Variants in KPNA4 observed in about 807,000 individuals in gnomAD.
The protein encoded by KPNA4 is karyopherin subunit alpha 4.
In KPNA4, 13 loss-of-function variants were observed where a neutral mutation model predicts 71.3. That is an observed-to-expected ratio of 0.18 (90% confidence interval 0.12 to 0.29). The LOEUF is 0.29. Ranked by LOEUF, KPNA4 falls within the 10% of genes least tolerant of loss-of-function variation. The pLI, the probability that KPNA4 is intolerant of heterozygous loss-of-function variation, is 1.00. For missense variants in KPNA4, 334 were observed against 603.2 expected (o/e 0.55, Z 4.67); for synonymous variants, 189 against 195.2 (o/e 0.97, Z 0.26).
intron 14 of KPNA4, among the ~76,000 whole-genome samples, chr3:160,509,302 T>C (rs1307819942): frequency 6.6e-6 from 1 of 152,172 alleles, no homozygotes; most frequent in African/African-American, 2.4e-5. Flanking sequence ...GTTGCTGTCT[T>C]TTTACTTTTT....
At chr3:160,547,194 T>C (rs992324569) in intron 1 of KPNA4, among the ~76,000 whole-genome samples, 2 of 152,258 alleles carry the variant, frequency 1.3e-5, no homozygotes, top group African/African-American at 4.8e-5. Context: ...TTGTCATATT[T>C]GCCTTTTTTT....
At chr3:160,521,979 A>C (rs1721357934) in intron 10 of KPNA4, 69 bp from the exon 11 acceptor site, 24 of 1,371,234 alleles carry the variant, frequency 1.8e-5, no homozygotes, top group East Asian at 9.7e-5. Context: ...TTGACCAAAC[A>C]ACCATTCTAA....
chr3:160,523,208 C>G (rs531336595), intron 10 of KPNA4, among the ~76,000 whole-genome samples: 3 of 152,176 alleles, frequency 2.0e-5, no homozygotes, highest in Non-Finnish European at 4.4e-5. Flanking sequence ...TAGTGGCTCA[C>G]GCCTGTAACC....
intron 14 of KPNA4, among the ~76,000 whole-genome samples, chr3:160,509,395 G>A (rs1721048703): frequency 1.3e-5 from 2 of 151,806 alleles, no homozygotes; most frequent in Admixed American, 1.3e-4. Flanking sequence ...TCCTAATACT[G>A]TTAAAAAAAC....
At chr3:160,564,931 C>T (rs1252363163) in intron 1 of KPNA4, among the ~76,000 whole-genome samples, 1 of 146,572 alleles carries the variant, frequency 6.8e-6, no homozygotes, top group South Asian at 2.1e-4. Context: ...CCGGCCTCCC[C>T]GCCGCGCGGC....
In KPNA4 at chr3:160,500,045, C is replaced by CATAATAAG. The variant is rs144119086; in HGVS notation, c.*2058_*2059insCTTATTAT. On this transcript the variant is annotated 3_prime_UTR_variant, in exon 17 of 17. Coordinates refer to ENST00000334256, the MANE Select transcript of KPNA4 (RefSeq NM_002268.5). ...TATGTCCATACTGAAATGACAGAAC[C>CATAATAAG]AAAGAAATTTCTTATTATGCTGGTT... 6,812 of 151,444 alleles carry CATAATAAG rather than the reference C, an allele frequency of 0.045. 224 individuals are homozygous for CATAATAAG. The highest frequency in any genetic ancestry group is 0.078 in the Middle Eastern group (23 of 294). 9.4% of individuals were successfully genotyped at this position (151,444 alleles called of 1,614,324 possible).
At chr3:160,565,141 A>G in intron 1 of KPNA4, 73 bp downstream of exon 1, 1 of 1,311,044 alleles carries the variant, frequency 7.6e-7, no homozygotes, top group Non-Finnish European at 1.1e-6. Context: ...CCTAATCCCC[A>G]CACTCGGGGT....
intron 10 of KPNA4, among the ~76,000 whole-genome samples, chr3:160,523,794 T>C (rs1577052386): frequency 6.6e-6 from 1 of 151,778 alleles, no homozygotes; most frequent in African/African-American, 2.4e-5. Flanking sequence ...GAGGTTGCAG[T>C]GAGTGGAGAT....
intron 1 of KPNA4, among the ~76,000 whole-genome samples, chr3:160,559,579 A>C (rs1722203973): frequency 6.6e-6 from 1 of 152,180 alleles, no homozygotes; most frequent in East Asian, 1.9e-4. Context: ...GTGTAAGAAA[A>C]GTTCACTCAT....
chr3:160,548,303 T>C (rs1721966063), intron 1 of KPNA4, among the ~76,000 whole-genome samples: 3 of 152,142 alleles, frequency 2.0e-5, no homozygotes, highest in Admixed American at 2.0e-4. Flanking sequence ...TCAGAAAAAC[T>C]GTAGTAAAAA....
intron 10 of KPNA4, 151 bp from the exon 11 acceptor site, chr3:160,522,061 TA>T (rs1477108773): frequency 1.4e-5 from 9 of 652,052 alleles, no homozygotes; most frequent in Non-Finnish European, 2.3e-5. Flanking sequence ...GCTACGGTAT[TA>T]AACATCATCA....
intron 15 of KPNA4, 107 bp from the exon 16 acceptor site, chr3:160,505,159 G>T (rs965354319): frequency 2.9e-5 from 14 of 480,504 alleles, no homozygotes; most frequent in Non-Finnish European, 3.7e-5. Context: ...CAAATTTTTT[G>T]AATTATAATT....
chr3:160,546,282 C>T (rs1382599062), intron 1 of KPNA4, among the ~76,000 whole-genome samples: 1 of 152,156 alleles, frequency 6.6e-6, no homozygotes, highest in Non-Finnish European at 1.5e-5. Context: ...CTTTGGGAGG[C>T]TAAGGCGGGT....
At chr3:160,552,258 CAA>C (rs1722055187) in intron 1 of KPNA4, among the ~76,000 whole-genome samples, 2 of 152,068 alleles carry the variant, frequency 1.3e-5, no homozygotes, top group African/African-American at 4.8e-5. Flanking sequence ...TTACTTCTAT[CAA>C]GAGAAAAAAT....
chr3:160,528,163 T>C (rs1431616489), intron 7 of KPNA4, 124 bp from the exon 8 acceptor site: 34 of 543,470 alleles, frequency 6.3e-5, no homozygotes, highest in Non-Finnish European at 2.3e-5. Context: ...AAATATAACC[T>C]CATTAAATGA....
intron 15 of KPNA4, among the ~76,000 whole-genome samples, chr3:160,506,160 T>C (rs1720978421): frequency 6.6e-6 from 1 of 151,950 alleles, no homozygotes; most frequent in Non-Finnish European, 1.5e-5. Flanking sequence ...TTGGCCACTA[T>C]ATACTTTATT....
intron 13 of KPNA4, among the ~76,000 whole-genome samples, chr3:160,511,385 G>GT (rs1419687234): frequency 1.3e-5 from 2 of 152,288 alleles, no homozygotes; most frequent in Admixed American, 1.3e-4. Context: ...GATTACAGGC[G>GT]TGAGCCACTG....
At chr3:160,518,798 T>G (rs890935568) in intron 11 of KPNA4, among the ~76,000 whole-genome samples, 1 of 151,756 alleles carries the variant, frequency 6.6e-6, no homozygotes, top group African/African-American at 2.4e-5. Context: ...GAGGCAGAGG[T>G]TGTAATGAGC....
At chr3:160,553,735 C>T (rs778635888) in intron 1 of KPNA4, among the ~76,000 whole-genome samples, 14 of 152,136 alleles carry the variant, frequency 9.2e-5, no homozygotes, top group Non-Finnish European at 1.8e-4. Flanking sequence ...TGGCAAATAA[C>T]GAAAGAGATG....
Sources: gnomAD v4.1 joint callset for allele counts (sites outside exome capture counted in the v4.1 genomes callset) on GRCh38, gnomAD v4.1.1 for gene constraint, MANE v1.5 for transcripts, NCBI Gene and HGNC (gene_info 2026-07-23, HGNC 2026-07-21) for gene names.